The following ALKBH8 variants were observed in gnomAD, a reference collection of about 807,000 sequenced individuals.
The protein encoded by ALKBH8 is tRNA (carboxymethyluridine(34)-5-O)-methyltransferase ALKBH8.
In ALKBH8, 36 loss-of-function variants were observed where a neutral mutation model predicts 59.8. That is an observed-to-expected ratio of 0.60 (90% CI 0.46 to 0.79). The LOEUF (loss-of-function observed/expected upper bound fraction) is 0.79, where lower values mean the gene tolerates loss of function less well. ALKBH8 is among the 30% of genes least tolerant of loss of function. ALKBH8 has a pLI of 0.00. For synonymous variants in ALKBH8, 276 were observed against 273.6 expected (o/e 1.01, Z -0.09); for missense variants, 768 against 801.0 (o/e 0.96, Z 0.50).
At chr11:107,522,658 T>G (rs1591268286) in intron 9 of ALKBH8, 103 bp from the exon 10 acceptor site, 2 of 1,288,454 alleles carry the variant, frequency 1.6e-6, no homozygotes, top group Non-Finnish European at 2.1e-6. Context: ...ATTTGGTGGG[T>G]AGACAGACTC....
chr11:107,509,581 G>A (rs998178084), intron 11 of ALKBH8, among the ~76,000 whole-genome samples: 5 of 152,018 alleles, frequency 3.3e-5, no homozygotes, highest in Non-Finnish European at 5.9e-5. Context: ...CAAATACAAC[G>A]TCATGAAGGT....
intron 11 of ALKBH8, among the ~76,000 whole-genome samples, chr11:107,507,723 G>A (rs1862449676): frequency 6.6e-6 from 1 of 152,176 alleles, no homozygotes; most frequent in Admixed American, 6.5e-5. Context: ...TGTCAGGGAA[G>A]AAGAGACTGA....
At chr11:107,507,763 G>T (rs1351842539) in intron 11 of ALKBH8, among the ~76,000 whole-genome samples, 1 of 152,158 alleles carries the variant, frequency 6.6e-6, no homozygotes, top group Non-Finnish European at 1.5e-5. Flanking sequence ...TTAAAATAGA[G>T]ATATCCTGGG....
rs999337532 is a variant in ALKBH8 at position 107,549,792 on chromosome 11, A to G, written c.732T>C (p.Ala244=). ...GIPAHIDTHS[A]FEDEIVSLSL... is the part of the protein sequence containing the mutation. ...TGAGAGAAACGATCTCATCCTCAAA[A>G]GCGGAATGTGTATCAATATGAGCGG... Residue 244 remains alanine, a synonymous_variant, in exon 7 of 12, where the codon GCT becomes GCC. Coordinates refer to ENST00000428149, the MANE Select transcript of ALKBH8 (RefSeq NM_138775.3). 11 of 1,550,326 alleles carry G rather than the reference A, an allele frequency of 7.1e-6. No individual in the cohort carries two copies. In the African/African-American group the frequency reaches 1.5e-4, roughly 21 times the overall value.
chr11:107,511,104 A>G (rs1862604641), intron 10 of ALKBH8, 68 bp from the exon 11 acceptor site: 6 of 1,476,238 alleles, frequency 4.1e-6, no homozygotes, highest in African/African-American at 1.4e-5. Flanking sequence ...CTATGAACTT[A>G]TTCCATACCT....
chr11:107,504,499 T>C lies in ALKBH8; in HGVS notation c.*159A>G. The C allele has an allele frequency of 2.4e-6, 2 of 850,818 alleles. No individual in the cohort carries two copies. Among genetic ancestry groups the C allele is most frequent in the Non-Finnish European group, 3.8e-6 (2 of 521,476 alleles). The allele number at this position is 850,818 out of a possible 1,614,324, so 52.7% of individuals were successfully genotyped here. A position where few individuals can be genotyped will look rare whatever the true frequency, so the allele number is the denominator to read the frequency against. ...GTGATGTCAGCCAACAGGAGACATT[T>C]GAATGTCTCCTAATGAATCCCTACT... On this transcript the variant is annotated 3_prime_UTR_variant, in exon 12 of 12. Coordinates refer to ENST00000428149, the MANE Select transcript of ALKBH8 (RefSeq NM_138775.3).
chr11:107,512,270 A>T (rs943958073), intron 10 of ALKBH8, among the ~76,000 whole-genome samples: 1 of 151,722 alleles, frequency 6.6e-6, no homozygotes, highest in Non-Finnish European at 1.5e-5. Flanking sequence ...TGGGGAATAA[A>T]TGGGAGGGGC....
chr11:107,507,211 C>T (rs1465361105), intron 11 of ALKBH8, among the ~76,000 whole-genome samples: 1 of 152,110 alleles, frequency 6.6e-6, no homozygotes, highest in Non-Finnish European at 1.5e-5. Context: ...ATTAATATTT[C>T]CAGTTCCACA....
intron 7 of ALKBH8, among the ~76,000 whole-genome samples, chr11:107,540,734 T>C (rs1468375799): frequency 6.6e-6 from 1 of 152,180 alleles, no homozygotes; most frequent in Non-Finnish European, 1.5e-5. Flanking sequence ...CATTCAAAAA[T>C]GGGCTCACAA....
At chr11:107,559,611 G>A (rs1382168385) in intron 2 of ALKBH8, among the ~76,000 whole-genome samples, 1 of 152,180 alleles carries the variant, frequency 6.6e-6, no homozygotes, top group Non-Finnish European at 1.5e-5. Context: ...TCTTCTGAAT[G>A]TCTCACAGCC....
At chr11:107,518,958 A>T (rs1249806183) in intron 10 of ALKBH8, among the ~76,000 whole-genome samples, 1 of 152,070 alleles carries the variant, frequency 6.6e-6, no homozygotes, top group Non-Finnish European at 1.5e-5. Context: ...GGCATGCACC[A>T]CCATGCCTAG....
rs376929547 is a variant in ALKBH8 at position 107,512,142 on chromosome 11, AG to A, written c.1288-1107del. On this transcript the variant is annotated intron_variant, in intron 10 of 11. Coordinates refer to ENST00000428149, the MANE Select transcript of ALKBH8 (RefSeq NM_138775.3). The stretch of plus-strand genomic sequence containing the variant: ...GGGATTTCCCATCTTCTTTCTCTTT[AG>A]TTTTGTTGTTGTAGTTGTTGTACAC... 2.0e-4 allele frequency among the ~76,000 whole-genome samples: 30 copies of A among 151,590 alleles called. No individual in the cohort carries two copies. In the East Asian group the frequency reaches 4.1e-3, roughly 21 times the overall value.
intron 7 of ALKBH8, among the ~76,000 whole-genome samples, chr11:107,543,449 T>C (rs1864127833): frequency 2.6e-5 from 4 of 152,238 alleles, no homozygotes; most frequent in Non-Finnish European, 5.9e-5. Flanking sequence ...GTCACATAAG[T>C]AAAAGTTCTT....
intron 7 of ALKBH8, among the ~76,000 whole-genome samples, chr11:107,534,415 G>GT (rs1863724370): frequency 1.3e-5 from 2 of 152,096 alleles, no homozygotes; most frequent in Non-Finnish European, 2.9e-5. Flanking sequence ...TAATCGTTTG[G>GT]TGAGATATCA....
At chr11:107,536,563 T>G (rs920677137) in intron 7 of ALKBH8, among the ~76,000 whole-genome samples, 1 of 152,134 alleles carries the variant, frequency 6.6e-6, no homozygotes, top group Non-Finnish European at 1.5e-5. Flanking sequence ...CTCCCCCCAG[T>G]CCCATTTTTC....
Position 107,505,181 on chromosome 11 carries a change from C to A in ALKBH8, c.1472G>T (p.Arg491Leu). 6.5e-7 allele frequency: 1 copy of A among 1,547,602 alleles called. No homozygotes were observed. The highest frequency in any genetic ancestry group is 8.7e-7 in the Non-Finnish European group (1 of 1,144,854). ...TGCCTTCCCACCTGGTCTCAGGAGT[C>A]GAACAATTTCTTGGAGAGCTGCCAC... ...RRVAALQEIV[R>L]LLRPGGKALI... Residue 491 changes from arginine (R) to leucine (L), a missense_variant, in exon 12 of 12, where the codon CGA (arginine) becomes CTA (leucine). Coordinates refer to ENST00000428149, the MANE Select transcript of ALKBH8 (RefSeq NM_138775.3).
intron 10 of ALKBH8, among the ~76,000 whole-genome samples, chr11:107,517,433 T>C (rs1181901361): frequency 6.6e-6 from 1 of 152,046 alleles, no homozygotes; most frequent in Non-Finnish European, 1.5e-5. Flanking sequence ...CCAAAGAAAA[T>C]GAAATCGGTA....
chr11:107,558,648 T>C (rs1047860814), intron 2 of ALKBH8, among the ~76,000 whole-genome samples: 6 of 152,154 alleles, frequency 3.9e-5, no homozygotes, highest in South Asian at 4.2e-4. Flanking sequence ...ACAAGTGCGG[T>C]AGAAGAGGAG....
rs1348617004 is a variant in ALKBH8 at position 107,504,589 on chromosome 11, A to T, written c.*69T>A. The T allele has an allele frequency of 1.3e-6, 2 of 1,508,176 alleles. No individual in the cohort carries two copies. The highest frequency in any genetic ancestry group is 2.5e-5 in the East Asian group (1 of 40,744). 93.4% of individuals were successfully genotyped at this position (1,508,176 alleles called of 1,614,324 possible). On this transcript the variant is annotated 3_prime_UTR_variant, in exon 12 of 12. Coordinates refer to ENST00000428149, the MANE Select transcript of ALKBH8 (RefSeq NM_138775.3). ...AGTTTTCTCTTTAATTAAAAGGGTA[A>T]TTAATTTATTCTCTCTTTTTTTTTA...
Sources: gnomAD v4.1 joint callset for allele counts (sites outside exome capture counted in the v4.1 genomes callset) on GRCh38, gnomAD v4.1.1 for gene constraint, MANE v1.5 for transcripts, NCBI Gene and HGNC (gene_info 2026-07-23, HGNC 2026-07-21) for gene names.